Variants in GSE1 observed in about 807,000 individuals in gnomAD.
The protein encoded by GSE1 is Gse1 coiled-coil protein.
In GSE1, 32 loss-of-function variants were observed where a neutral mutation model predicts 112.6. The ratio of observed to expected loss-of-function variants is 0.28; its 90% CI spans 0.21 to 0.38. GSE1 has a LOEUF of 0.38. Among genes scored for constraint, GSE1 ranks in the 10% least tolerant of loss-of-function variants. GSE1 has a pLI of 1.00. For synonymous variants in GSE1, 1,115 were observed against 735.6 expected (o/e 1.52, Z -8.35); for missense variants, 2,348 against 1,699.2 (o/e 1.38, Z -6.71).
At chr16:85,170,511 G>A (rs773491374) in exon 1 of GSE1, 185 of 985,728 alleles carry the variant, frequency 1.9e-4, no homozygotes, top group Non-Finnish European at 2.1e-4. Context: ...TCACCAGTGG[G>A]GAAGAGGACC....
chr16:85,478,524 C>CAA (rs112620422), intron 2 of GSE1, among the ~76,000 whole-genome samples: 34 of 113,454 alleles, frequency 3.0e-4, no homozygotes, highest in African/African-American at 8.0e-4. Flanking sequence ...GAAACTGTCT[C>CAA]AAAAAAAAAA....
At chr16:85,449,198 G>A (rs1440682466) in intron 2 of GSE1, among the ~76,000 whole-genome samples, 1 of 152,206 alleles carries the variant, frequency 6.6e-6, no homozygotes, top group Admixed American at 6.5e-5. Context: ...TGACTCTAAT[G>A]GTGCCCGTTT....
intron 2 of GSE1, among the ~76,000 whole-genome samples, chr16:85,645,243 A>G (rs548852500): frequency 6.6e-6 from 1 of 152,064 alleles, no homozygotes; most frequent in Non-Finnish European, 1.5e-5. Context: ...CCTCAGCCTC[A>G]TTCCCCACCT....
intron 1 of GSE1, among the ~76,000 whole-genome samples, chr16:85,282,031 C>CT (rs747822787): frequency 0.014 from 1,969 of 142,734 alleles, 41 homozygotes; most frequent in African/African-American, 0.043. Context: ...GTTTTCTTTT[C>CT]TTTTTTTTTT....
chr16:85,413,124 C>T (rs1174154726), intron 2 of GSE1, among the ~76,000 whole-genome samples: 2 of 152,184 alleles, frequency 1.3e-5, no homozygotes, highest in African/African-American at 4.8e-5. Context: ...GCGCCCTTTT[C>T]CATTTTGAAG....
At chr16:85,185,660 A>G (rs2074684649) in intron 1 of GSE1, among the ~76,000 whole-genome samples, 1 of 152,268 alleles carries the variant, frequency 6.6e-6, no homozygotes, top group African/African-American at 2.4e-5. Context: ...TTCTCTGGAT[A>G]GCAGGAGAAA....
chr16:85,225,197 TCA>T (rs917732854), intron 1 of GSE1, among the ~76,000 whole-genome samples: 8 of 151,738 alleles, frequency 5.3e-5, no homozygotes, highest in African/African-American at 1.9e-4. Context: ...AACACAGACA[TCA>T]CACACACACA....
At chr16:85,440,265 C>T (rs534683027) in intron 2 of GSE1, among the ~76,000 whole-genome samples, 12 of 152,322 alleles carry the variant, frequency 7.9e-5, no homozygotes, top group African/African-American at 2.9e-4. Context: ...GACTGGGGAA[C>T]ACCTTTAGGA....
intron 2 of GSE1, among the ~76,000 whole-genome samples, chr16:85,507,159 G>A (rs548698375): frequency 3.3e-4 from 51 of 152,326 alleles, no homozygotes; most frequent in Middle Eastern, 3.4e-3. Context: ...CCTGAACCAC[G>A]TTTTAATTTG....
At chr16:85,391,529 C>G (rs2151646246) in intron 2 of GSE1, among the ~76,000 whole-genome samples, 1 of 152,356 alleles carries the variant, frequency 6.6e-6, no homozygotes, top group African/African-American at 2.4e-5. Flanking sequence ...TTCAGCATTC[C>G]TTGGCTTGCG....
At chr16:85,617,909 G>A (rs1567659256) in intron 1 of GSE1, among the ~76,000 whole-genome samples, 1 of 152,072 alleles carries the variant, frequency 6.6e-6, no homozygotes, top group African/African-American at 2.4e-5. Flanking sequence ...TCCCCTCTAC[G>A]CCACCTCCCC....
intron 2 of GSE1, among the ~76,000 whole-genome samples, chr16:85,445,822 G>A (rs2049497014): frequency 6.6e-6 from 1 of 152,160 alleles, no homozygotes; most frequent in African/African-American, 2.4e-5. Flanking sequence ...GATTTCTGCT[G>A]GGGGCCCGCC....
intron 2 of GSE1, among the ~76,000 whole-genome samples, chr16:85,535,208 G>A (rs975446750): frequency 2.0e-5 from 3 of 152,212 alleles, no homozygotes; most frequent in Non-Finnish European, 4.4e-5. Context: ...GTGTGCTCCC[G>A]GCTGACTCTG....
chr16:85,636,671 C>T (rs1476730032), intron 2 of GSE1, among the ~76,000 whole-genome samples: 2 of 128,374 alleles, frequency 1.6e-5, no homozygotes, highest in South Asian at 2.8e-4. Flanking sequence ...CCGTGTCCCA[C>T]TGCTGCTGGG....
intron 2 of GSE1, among the ~76,000 whole-genome samples, chr16:85,401,432 C>T (rs112876953): frequency 3.4e-4 from 52 of 152,264 alleles, no homozygotes; most frequent in Admixed American, 7.8e-4. Context: ...GACCGGAGCT[C>T]GGGGGCTCTG....
At chr16:85,257,473 A>C (rs1907208844) in intron 1 of GSE1, among the ~76,000 whole-genome samples, 1 of 152,174 alleles carries the variant, frequency 6.6e-6, no homozygotes, top group Non-Finnish European at 1.5e-5. Context: ...ATCCAACTTC[A>C]AGCCGGAGCA....
intron 2 of GSE1, among the ~76,000 whole-genome samples, chr16:85,472,817 C>T (rs1250032251): frequency 1.3e-5 from 2 of 152,368 alleles, no homozygotes; most frequent in Non-Finnish European, 2.9e-5. Flanking sequence ...GACTTTGGCA[C>T]CTCTGGTAGG....
intron 1 of GSE1, among the ~76,000 whole-genome samples, chr16:85,263,960 G>C (rs1907974078): frequency 6.6e-6 from 1 of 152,166 alleles, no homozygotes; most frequent in Non-Finnish European, 1.5e-5. Flanking sequence ...GACAGACAGA[G>C]CTTAGTCAAC....
chr16:85,188,420 G>T (rs2074753425), intron 1 of GSE1, among the ~76,000 whole-genome samples: 1 of 152,134 alleles, frequency 6.6e-6, no homozygotes, highest in Admixed American at 6.5e-5. Flanking sequence ...CGTTCTCACT[G>T]TTCTGGAGAG....
Sources: allele counts gnomAD v4.1 joint callset (sites outside exome capture counted in the v4.1 genomes callset), GRCh38; gene constraint gnomAD v4.1.1; transcripts MANE v1.5; gene names NCBI Gene and HGNC (gene_info 2026-07-23, HGNC 2026-07-21).